UBE3B: variants seen among roughly 807,000 people sequenced by gnomAD.
The protein encoded by UBE3B is ubiquitin protein ligase E3B.
In UBE3B, 80 loss-of-function variants were observed where a neutral mutation model predicts 132.3. The ratio of observed to expected loss-of-function variants is 0.60; its 90% CI spans 0.50 to 0.73. UBE3B has a LOEUF of 0.73. Among genes scored for constraint, UBE3B ranks in the 30% least tolerant of loss-of-function variants. The probability of loss-of-function intolerance (pLI) is 0.00; values close to 1 mark genes in which losing one functional copy is unlikely to be tolerated. For missense variants in UBE3B, 1,196 were observed against 1,362.5 expected, an observed-to-expected ratio of 0.88 and a Z score of 1.92; for synonymous variants, 487 against 520.4, an observed-to-expected ratio of 0.94 and a Z score of 0.87.
In UBE3B at chr12:109,497,855, C is replaced by T. The variant is rs200362048; in HGVS notation, c.751C>T (p.Arg251Trp). Residue 251 changes from arginine (R) to tryptophan (W), a missense_variant, in exon 10 of 28, where the codon CGG becomes TGG. Physicochemically the swap from Arg to Trp is moderately radical, Grantham distance 101 (BLOSUM62 -3). Transcript: ENST00000342494. Reference sequence around the variant, plus strand: ...TGCACAGTTCTCAGACAATCTGATTCGGCCGTTCCTCATCCACATCATGTC... The same window carrying T: ...TGCACAGTTCTCAGACAATCTGATTTGGCCGTTCCTCATCCACATCATGTC... ...IAAQFSDNLI[R>W]PFLIHIMSVP... 5.5e-5 allele frequency: 88 copies of T among 1,614,154 alleles called. No homozygotes were observed. The highest frequency in any genetic ancestry group is 8.9e-5 in the East Asian group (4 of 44,886).
chr12:109,495,018 T>C (rs1010359231), intron 9 of UBE3B, among the ~76,000 whole-genome samples: 2 of 152,258 alleles, frequency 1.3e-5, no homozygotes, highest in Non-Finnish European at 2.9e-5. Context: ...GCTTTTCTTC[T>C]ATTTAGGGAA....
chr12:109,520,884 A>G (rs1410064279), intron 19 of UBE3B: 1 of 339,078 alleles, frequency 2.9e-6, no homozygotes, highest in African/African-American at 2.1e-5. Context: ...CATTTTGTCT[A>G]ACTTCCCCAT....
In UBE3B at chr12:109,503,172, C is replaced by G. The variant is rs374348924; in HGVS notation, c.1432C>G (p.Arg478Gly). The change falls in exon 14 of 28, where the codon CGG becomes GGG. Residue 478 changes from arginine (R) to glycine (G), a missense_variant. Arg to Gly is a moderately radical substitution (Grantham distance 125). Coordinates refer to ENST00000342494, the MANE Select transcript of UBE3B (RefSeq NM_130466.4). ...CTCGCTGACAACTCTCACACAGATT[C>G]GGCTGCAGATACTCACAGGTTCGCA... is the stretch of plus-strand genomic sequence containing the variant. ...QTSLTTLTQI[R>G]LQILTGLTYL... 3 of 1,614,022 alleles carry G rather than the reference C, an allele frequency of 1.9e-6. No individual in the cohort carries two copies. The highest frequency in any genetic ancestry group is 1.7e-6 in the Non-Finnish European group (2 of 1,180,012).
chr12:109,530,103 TC>T (rs1267612308), intron 25 of UBE3B, 31 bp downstream of exon 25: 1 of 1,609,850 alleles, frequency 6.2e-7, no homozygotes, highest in Non-Finnish European at 8.5e-7. Context: ...AGGGTGAAAT[TC>T]CTTGGCCTCC....
At chr12:109,532,814 C>T (rs989368730) in intron 26 of UBE3B, among the ~76,000 whole-genome samples, 2 of 152,116 alleles carry the variant, frequency 1.3e-5, no homozygotes, top group Non-Finnish European at 2.9e-5. Context: ...TCTGGGGCCT[C>T]ATTTTTGTCA....
chr12:109,498,438 G>A, intron 11 of UBE3B, 85 bp downstream of exon 11: 1 of 1,491,722 alleles, frequency 6.7e-7, no homozygotes, highest in Non-Finnish European at 9.0e-7. Flanking sequence ...CTAGAGATTT[G>A]GTTGTTTTCT....
Position 109,501,360 on chromosome 12 carries a change from C to T in UBE3B, c.1119-11C>T, listed in dbSNP as rs760808934. On this transcript the variant is annotated splice_polypyrimidine_tract_variant and intron_variant, in intron 12 of 27. Coordinates refer to ENST00000342494, the MANE Select transcript of UBE3B (RefSeq NM_130466.4). ...GAACTGACAGACCAGGTCTCCTCTG[C>T]TCTCTCCTAGCCTTAACGAGTCAAT... The T allele has an allele frequency of 4.3e-6, 7 of 1,613,662 alleles. No individual in the cohort carries two copies. The African/African-American group carries it at 8.0e-5, about 18-fold the overall frequency.
the UBE3B span, among the ~76,000 whole-genome samples, chr12:109,543,920 C>T: frequency 2.6e-5 from 4 of 152,096 alleles, no homozygotes; most frequent in South Asian, 8.3e-4. Context: ...CCTCTCAAAG[C>T]AAGCCTAGCA....
intron 23 of UBE3B, among the ~76,000 whole-genome samples, chr12:109,525,058 A>C (rs1384754768): frequency 6.6e-6 from 1 of 152,164 alleles, no homozygotes; most frequent in Non-Finnish European, 1.5e-5. Flanking sequence ...AGGGCCGCTC[A>C]GGAGAAACCA....
intron 8 of UBE3B, 95 bp from the exon 9 acceptor site, chr12:109,490,950 T>G: frequency 1.5e-6 from 2 of 1,349,312 alleles, no homozygotes; most frequent in Non-Finnish European, 2.0e-6. Flanking sequence ...TACAGTTTTT[T>G]TATCTGAAGC....
intron 13 of UBE3B, among the ~76,000 whole-genome samples, chr12:109,501,975 C>A (rs1241336314): frequency 1.3e-5 from 2 of 152,030 alleles, no homozygotes; most frequent in Non-Finnish European, 2.9e-5. Context: ...CCAGCTTGTT[C>A]CACAACAATT....
chr12:109,483,985 A>G lies in UBE3B; in HGVS notation c.282+4A>G, dbSNP rs1875933564. On this transcript the variant is annotated splice_donor_region_variant and intron_variant, in intron 4 of 27. Transcript: ENST00000342494. ...CAGAATCAAAGAGGATAATGAGGTA[A>G]AACGATAATAGCAAACATGTATAAT... 6.2e-7 allele frequency: 1 copy of G among 1,608,278 alleles called. No homozygotes were observed. Among genetic ancestry groups the G allele is most frequent in the African/African-American group, 1.3e-5 (1 of 74,682 alleles).
chr12:109,529,931 C>T lies in UBE3B; in HGVS notation c.2669C>T (p.Thr890Ile). The T allele has an allele frequency of 6.2e-7, 1 of 1,614,208 alleles. No individual in the cohort carries two copies. Among genetic ancestry groups the T allele is most frequent in the Non-Finnish European group, 8.5e-7 (1 of 1,180,050 alleles). The change falls in exon 25 of 28, where the codon ACT becomes ATT. Residue 890 changes from threonine (T) to isoleucine (I), a missense_variant. Transcript: ENST00000342494. Reference protein sequence around the residue: ...IHLMAHFRMHTQIKNQTAALI... With the variant: ...IHLMAHFRMHIQIKNQTAALI... ...CTGATGGCACATTTTCGAATGCACA[C>T]TCAAATAAAAAACCAAACAGCTGCC...
downstream of UBE3B, among the ~76,000 whole-genome samples, chr12:109,539,103 G>T (rs1883551827): frequency 6.6e-6 from 1 of 152,180 alleles, no homozygotes. Context: ...GGGTGTGGTG[G>T]CGCACACCTG....
At chr12:109,498,463 T>G in intron 11 of UBE3B, 110 bp downstream of exon 11, 1 of 1,283,074 alleles carries the variant, frequency 7.8e-7, no homozygotes, top group Non-Finnish European at 1.1e-6. Context: ...CAATTGGAAG[T>G]GCTTACAATA....
chr12:109,505,986 CCTTT>C (rs1879613339), intron 14 of UBE3B, among the ~76,000 whole-genome samples: 2 of 152,232 alleles, frequency 1.3e-5, no homozygotes, highest in African/African-American at 4.8e-5. Context: ...TCAGATCCAG[CCTTT>C]CTAAGTCAAG....
chr12:109,497,581 T>C (rs1878386510), intron 9 of UBE3B, among the ~76,000 whole-genome samples: 1 of 152,140 alleles, frequency 6.6e-6, no homozygotes, highest in Non-Finnish European at 1.5e-5. Flanking sequence ...ATGAGCATTC[T>C]CTCATGTCAG....
At chr12:109,501,568 C>A (rs1878999783) in intron 13 of UBE3B, 34 bp downstream of exon 13, 1 of 1,596,294 alleles carries the variant, frequency 6.3e-7, no homozygotes, top group Non-Finnish European at 8.5e-7. Context: ...CCCTGTAGCT[C>A]CACTTGGCTG....
At position 109,503,171 on chromosome 12, in the gene UBE3B, T is replaced by G; in HGVS notation, c.1431T>G (p.Ile477Met). The stretch of plus-strand genomic sequence containing the variant: ...CCTCGCTGACAACTCTCACACAGAT[T>G]CGGCTGCAGATACTCACAGGTTCGC... Reference protein sequence around the residue: ...YQTSLTTLTQIRLQILTGLTY... With the variant: ...YQTSLTTLTQMRLQILTGLTY... Residue 477 changes from isoleucine (I) to methionine (M), a missense_variant, in exon 14 of 28, where the codon ATT (isoleucine) becomes ATG (methionine). Ile to Met is a conservative substitution (Grantham distance 10). Coordinates refer to ENST00000342494, the MANE Select transcript of UBE3B (RefSeq NM_130466.4). 1 of 1,614,162 alleles carries G rather than the reference T, an allele frequency of 6.2e-7. No homozygotes were observed. Among genetic ancestry groups the G allele is most frequent in the Non-Finnish European group, 8.5e-7 (1 of 1,179,996 alleles).
Sources: gnomAD v4.1 joint callset for allele counts (sites outside exome capture counted in the v4.1 genomes callset) on GRCh38, gnomAD v4.1.1 for gene constraint, MANE v1.5 for transcripts, NCBI Gene and HGNC (gene_info 2026-07-23, HGNC 2026-07-21) for gene names.